NUDCD3: variants seen among roughly 807,000 people sequenced by gnomAD.
NUDCD3 encodes the protein NudC domain containing 3.
NUDCD3 carries 13 observed loss-of-function variants against 39.7 expected under a neutral mutation model. The observed-to-expected ratio is 0.33, with a 90% CI of 0.21 to 0.52. NUDCD3 has a LOEUF of 0.52. Among genes scored for constraint, NUDCD3 ranks in the 20% least tolerant of loss-of-function variants. The pLI is 0.96. For missense variants in NUDCD3, 453 were observed against 458.1 expected (o/e 0.99, Z 0.10); for synonymous variants, 175 against 172.4 (o/e 1.02, Z -0.12).
At chr7:44,426,267 G>T in intron 3 of NUDCD3, 1 of 561,232 alleles carries the variant, frequency 1.8e-6, no homozygotes, top group South Asian at 7.8e-5. Flanking sequence ...CCCTGAGGAG[G>T]CATAAAAGAA....
intron 2 of NUDCD3, among the ~76,000 whole-genome samples, chr7:44,477,401 GT>G (rs1274353296): frequency 4.6e-5 from 7 of 152,234 alleles, no homozygotes; most frequent in Non-Finnish European, 8.8e-5. Flanking sequence ...CTTCTTCTCT[GT>G]TAAAGAATTC....
rs548997688 is a variant in NUDCD3 at position 44,416,184 on chromosome 7, G to A, written c.642+11387C>T. ...CAGAAGCCTTGACCTCCTGGGCTCAGGTAATCCTCCCACCTCTGCCTCCCA... is the reference window on the plus strand; with the variant it reads ...CAGAAGCCTTGACCTCCTGGGCTCAAGTAATCCTCCCACCTCTGCCTCCCA... On this transcript the variant is annotated intron_variant, in intron 3 of 5. Coordinates refer to ENST00000355451, the MANE Select transcript of NUDCD3 (RefSeq NM_015332.4). Among the ~76,000 whole-genome samples the A allele has an allele frequency of 5.3e-5, 8 of 152,200 alleles. No individual in the cohort carries two copies. In the East Asian group the frequency reaches 1.5e-3, roughly 29 times the overall value.
At chr7:44,405,630 G>T (rs751306860) in intron 3 of NUDCD3, among the ~76,000 whole-genome samples, 1 of 152,132 alleles carries the variant, frequency 6.6e-6, no homozygotes, top group South Asian at 2.1e-4. Context: ...CTCATTAAAC[G>T]CTTATAAAAT....
chr7:44,459,266 A>G (rs939538157), intron 2 of NUDCD3, among the ~76,000 whole-genome samples: 1 of 150,448 alleles, frequency 6.6e-6, no homozygotes, highest in Non-Finnish European at 1.5e-5. Context: ...TGGCACGATC[A>G]TGGCCCACTG....
chr7:44,481,791 T>A (rs1463947098), intron 2 of NUDCD3, among the ~76,000 whole-genome samples: 1 of 152,218 alleles, frequency 6.6e-6, no homozygotes, highest in Non-Finnish European at 1.5e-5. Flanking sequence ...TAAATCTTAA[T>A]CCCAAGATAT....
intron 2 of NUDCD3, among the ~76,000 whole-genome samples, chr7:44,483,258 T>C (rs1800532660): frequency 6.6e-6 from 1 of 152,098 alleles, no homozygotes; most frequent in Non-Finnish European, 1.5e-5. Context: ...TACTCACTTC[T>C]CATCAGAGAC....
At chr7:44,486,430 G>A (rs568670626) in intron 1 of NUDCD3, among the ~76,000 whole-genome samples, 6 of 152,030 alleles carry the variant, frequency 3.9e-5, no homozygotes, top group East Asian at 3.9e-4. Context: ...GAAAGGTTAC[G>A]TAACTTGCCC....
At chr7:44,436,075 T>C (rs890615433) in intron 2 of NUDCD3, among the ~76,000 whole-genome samples, 5 of 152,162 alleles carry the variant, frequency 3.3e-5, no homozygotes, top group Non-Finnish European at 5.9e-5. Context: ...TCAAATTCAA[T>C]GTTTAGACCT....
intron 2 of NUDCD3, among the ~76,000 whole-genome samples, chr7:44,461,161 C>T (rs1053276880): frequency 6.6e-6 from 1 of 152,204 alleles, no homozygotes; most frequent in African/African-American, 2.4e-5. Flanking sequence ...CTTCTCCTGG[C>T]TTCTTCGGCC....
At chr7:44,391,691 C>T (rs10268852) in intron 5 of NUDCD3, among the ~76,000 whole-genome samples, 19,564 of 152,144 alleles carry the variant, frequency 0.13, 1,670 homozygotes, top group Non-Finnish European at 0.19. Flanking sequence ...GAAAGCAACC[C>T]TTTTTTCCCT....
At chr7:44,455,758 G>A (rs543707126) in intron 2 of NUDCD3, among the ~76,000 whole-genome samples, 1 of 152,178 alleles carries the variant, frequency 6.6e-6, no homozygotes, top group East Asian at 1.9e-4. Context: ...AAAGAATATT[G>A]CTTAAAAAAC....
chr7:44,470,117 G>A (rs577032593), intron 2 of NUDCD3, among the ~76,000 whole-genome samples: 5 of 152,318 alleles, frequency 3.3e-5, no homozygotes, highest in African/African-American at 1.2e-4. Flanking sequence ...TTCTTCGCAT[G>A]ACTTCTGCAA....
At chr7:44,482,140 A>G (rs1006959950) in intron 2 of NUDCD3, among the ~76,000 whole-genome samples, 11 of 152,232 alleles carry the variant, frequency 7.2e-5, no homozygotes, top group Non-Finnish European at 1.3e-4. Context: ...GACTACTAGT[A>G]AGGAGGCTGC....
chr7:44,433,345 T>C (rs1799401859), intron 2 of NUDCD3, among the ~76,000 whole-genome samples: 1 of 152,152 alleles, frequency 6.6e-6, no homozygotes, highest in Middle Eastern at 3.2e-3. Context: ...TATATGTGTG[T>C]GTGGGGTACG....
At position 44,386,128 on chromosome 7, in the gene NUDCD3, A is replaced by ACAG; in HGVS notation, c.976-10_976-8dup. On this transcript the variant is annotated splice_polypyrimidine_tract_variant and splice_region_variant and intron_variant, in intron 5 of 5. Transcript: ENST00000355451. ...TCAGCATCTCATGGACTTTCTACAA[A>ACAG]CAGAAAATAGAGAGATTAAAGGGGA... 6.2e-7 allele frequency: 1 copy of ACAG among 1,614,030 alleles called. No individual in the cohort carries two copies. Among genetic ancestry groups the ACAG allele is most frequent in the Admixed American group, 1.7e-5 (1 of 60,022 alleles).
intron 4 of NUDCD3, among the ~76,000 whole-genome samples, chr7:44,399,815 C>T (rs1488295659): frequency 6.6e-6 from 1 of 152,144 alleles, no homozygotes; most frequent in Non-Finnish European, 1.5e-5. Context: ...ATACAGCTTG[C>T]ACAAAAACAC....
intron 2 of NUDCD3, among the ~76,000 whole-genome samples, chr7:44,463,020 T>C (rs1222487569): frequency 6.6e-6 from 1 of 151,920 alleles, no homozygotes; most frequent in Non-Finnish European, 1.5e-5. Flanking sequence ...ATTTATAGTA[T>C]CTTTTGCATT....
At chr7:44,479,884 C>T (rs1290296682) in intron 2 of NUDCD3, among the ~76,000 whole-genome samples, 1 of 152,202 alleles carries the variant, frequency 6.6e-6, no homozygotes, top group Non-Finnish European at 1.5e-5. Context: ...CTTTCACATT[C>T]TATTTTCAAA....
chr7:44,471,127 C>A (rs112793917), intron 2 of NUDCD3, among the ~76,000 whole-genome samples: 1 of 152,312 alleles, frequency 6.6e-6, no homozygotes, highest in Non-Finnish European at 1.5e-5. Context: ...ATGCAGTTGT[C>A]CCTTGGTATT....
Sources: gnomAD v4.1 joint callset for allele counts (sites outside exome capture counted in the v4.1 genomes callset) on GRCh38, gnomAD v4.1.1 for gene constraint, MANE v1.5 for transcripts, NCBI Gene and HGNC (gene_info 2026-07-23, HGNC 2026-07-21) for gene names.